Variants in COL8A1 observed in about 807,000 individuals in gnomAD.
The protein encoded by COL8A1 is collagen alpha-1(VIII) chain.
A neutral mutation model predicts 42.7 loss-of-function variants in COL8A1; 21 were observed. That is an observed-to-expected ratio of 0.49 (90% CI 0.35 to 0.71). COL8A1 has a LOEUF of 0.71. Ranked by LOEUF, COL8A1 falls within the 30% of genes least tolerant of loss-of-function variation. COL8A1 has a pLI of 0.01. For missense variants in COL8A1, 788 were observed against 962.4 expected (o/e 0.82, Z 2.40); for synonymous variants, 367 against 369.1 (o/e 0.99, Z 0.06).
chr3:99,740,855 T>C (rs1940880874), intron 1 of COL8A1, among the ~76,000 whole-genome samples: 1 of 152,146 alleles, frequency 6.6e-6, no homozygotes, highest in African/African-American at 2.4e-5. Flanking sequence ...AATAAAACAA[T>C]ATTCTATAAT....
intron 1 of COL8A1, among the ~76,000 whole-genome samples, chr3:99,658,374 A>T (rs1373993847): frequency 1.3e-5 from 2 of 152,106 alleles, no homozygotes; most frequent in Non-Finnish European, 2.9e-5. Flanking sequence ...CTGCCTTCTC[A>T]TCGCCTCTTA....
chr3:99,641,788 A>G (rs1466174440), intron 1 of COL8A1, among the ~76,000 whole-genome samples: 3 of 152,160 alleles, frequency 2.0e-5, no homozygotes, highest in Non-Finnish European at 4.4e-5. Flanking sequence ...CCAGACCCCT[A>G]TAAACATACA....
chr3:99,765,364 A>C (rs964348720), intron 2 of COL8A1, among the ~76,000 whole-genome samples: 4 of 152,328 alleles, frequency 2.6e-5, no homozygotes, highest in African/African-American at 9.6e-5. Context: ...CCATCCATTC[A>C]GCAAAGGGTA....
chr3:99,658,122 C>A (rs11914513), intron 1 of COL8A1, among the ~76,000 whole-genome samples: 78,610 of 133,844 alleles, frequency 0.59, 22,226 homozygotes, highest in Middle Eastern at 0.68. Context: ...CTCAAAAAAA[C>A]AAAAAACAAA....
At position 99,729,317 on chromosome 3, in the gene COL8A1, C is replaced by G. The variant is rs369790534; in HGVS notation, c.-128-15580C>G. Among the ~76,000 whole-genome samples, 93 of 152,046 alleles carry G rather than the reference C, an allele frequency of 6.1e-4. 1 individual carries two copies. In the South Asian group the frequency reaches 0.019, roughly 31 times the overall value. On this transcript the variant is annotated intron_variant, in intron 1 of 3. Coordinates refer to ENST00000652472, the MANE Select transcript of COL8A1 (RefSeq NM_020351.4). ...ATTTCTCACACCTACCTTCTTTATTCCAAACTAATAGAATCCAAAGATTTC... is the reference window on the plus strand; with the variant it reads ...ATTTCTCACACCTACCTTCTTTATTGCAAACTAATAGAATCCAAAGATTTC...
chr3:99,679,199 T>C (rs1315973829), intron 1 of COL8A1: 1 of 152,190 alleles, frequency 6.6e-6, no homozygotes, highest in African/African-American at 2.4e-5. Context: ...ACTCATTAGG[T>C]AATTGTCAAA....
chr3:99,735,651 T>A (rs1161238263), intron 1 of COL8A1, among the ~76,000 whole-genome samples: 2 of 150,032 alleles, frequency 1.3e-5, no homozygotes, highest in African/African-American at 4.9e-5. Flanking sequence ...GGTATCAGAA[T>A]GATGCTGGCC....
At chr3:99,707,800 A>G (rs1024385784) in intron 1 of COL8A1, among the ~76,000 whole-genome samples, 2 of 152,234 alleles carry the variant, frequency 1.3e-5, no homozygotes, top group African/African-American at 4.8e-5. Flanking sequence ...TAATAAAATA[A>G]TAGTTAACCT....
intron 1 of COL8A1, among the ~76,000 whole-genome samples, chr3:99,672,489 A>G (rs1938576108): frequency 6.6e-6 from 1 of 151,540 alleles, no homozygotes; most frequent in Admixed American, 6.6e-5. Context: ...TTTTTTAAAA[A>G]TTTTATAAAA....
chr3:99,693,560 A>G (rs1165182630), intron 1 of COL8A1, among the ~76,000 whole-genome samples: 1 of 152,258 alleles, frequency 6.6e-6, no homozygotes, highest in Non-Finnish European at 1.5e-5. Context: ...AAGTAAAAAG[A>G]TAAAAGAATA....
chr3:99,757,432 C>A (rs1305179800), intron 2 of COL8A1, among the ~76,000 whole-genome samples: 1 of 152,052 alleles, frequency 6.6e-6, no homozygotes, highest in Non-Finnish European at 1.5e-5. Context: ...CATTTCTCAC[C>A]CATTCTTCAT....
intron 1 of COL8A1, among the ~76,000 whole-genome samples, chr3:99,719,354 T>C (rs911943171): frequency 6.6e-6 from 1 of 152,098 alleles, no homozygotes; most frequent in African/African-American, 2.4e-5. Flanking sequence ...CAAAAGGAGT[T>C]CCTAGCCCAT....
intron 2 of COL8A1, among the ~76,000 whole-genome samples, chr3:99,778,311 C>CACTTAGTCCAACAATCTTGGTTTT (rs1189741053): frequency 6.6e-6 from 1 of 152,134 alleles, no homozygotes; most frequent in Non-Finnish European, 1.5e-5. Flanking sequence ...ACACTGGGGT[C>CACTTAGTCCAACAATCTTGGTTTT]ACTTAGTCCA....
chr3:99,670,817 T>A (rs1017300720), intron 1 of COL8A1, among the ~76,000 whole-genome samples: 43 of 151,948 alleles, frequency 2.8e-4, no homozygotes, highest in African/African-American at 1.0e-3. Flanking sequence ...CTTGCATGAG[T>A]TCAACTTTTT....
intron 2 of COL8A1, among the ~76,000 whole-genome samples, chr3:99,748,541 TTTC>T (rs1282863189): frequency 3.3e-5 from 5 of 152,328 alleles, no homozygotes; most frequent in African/African-American, 1.2e-4. Flanking sequence ...ATTTCACCTG[TTTC>T]TTTTTACTTA....
intron 1 of COL8A1, among the ~76,000 whole-genome samples, chr3:99,705,807 A>T (rs1939667540): frequency 6.6e-6 from 1 of 152,216 alleles, no homozygotes; most frequent in Non-Finnish European, 1.5e-5. Context: ...GGGAGTCATA[A>T]TGAACACAAT....
intron 1 of COL8A1, among the ~76,000 whole-genome samples, chr3:99,645,854 G>C (rs951441305): frequency 1.3e-5 from 2 of 152,124 alleles, no homozygotes; most frequent in Non-Finnish European, 2.9e-5. Context: ...CACCAGCCAA[G>C]ACTGAATCTA....
At chr3:99,699,588 G>C (rs530724892) in intron 1 of COL8A1, among the ~76,000 whole-genome samples, 1 of 152,300 alleles carries the variant, frequency 6.6e-6, no homozygotes, top group South Asian at 2.1e-4. Flanking sequence ...AGACCTTTTA[G>C]AGACATTTCT....
intron 1 of COL8A1, among the ~76,000 whole-genome samples, chr3:99,740,344 T>C (rs1035401947): frequency 2.6e-5 from 4 of 152,188 alleles, no homozygotes; most frequent in Non-Finnish European, 4.4e-5. Flanking sequence ...CTTACTGTAT[T>C]AGTCTGTTCC....
Sources: gnomAD v4.1 joint callset for allele counts (sites outside exome capture counted in the v4.1 genomes callset) on GRCh38, gnomAD v4.1.1 for gene constraint, MANE v1.5 for transcripts, NCBI Gene and HGNC (gene_info 2026-07-23, HGNC 2026-07-21) for gene names.